PRKAG2: variants seen among roughly 807,000 people sequenced by gnomAD.
PRKAG2 encodes protein kinase AMP-activated non-catalytic subunit gamma 2.
A neutral mutation model predicts 69.6 loss-of-function variants in PRKAG2; 26 were observed. The ratio of observed to expected loss-of-function variants is 0.37; its 90% confidence interval spans 0.27 to 0.52. The LOEUF (loss-of-function observed/expected upper bound fraction) is 0.52. Among genes scored for constraint, PRKAG2 ranks in the 20% least tolerant of loss-of-function variants. PRKAG2 has a pLI of 0.90. For missense variants in PRKAG2, 557 were observed against 740.0 expected, an observed-to-expected ratio of 0.75 and a Z score of 2.87; for synonymous variants, 293 against 285.0, an observed-to-expected ratio of 1.03 and a Z score of -0.28.
intron 1 of PRKAG2, among the ~76,000 whole-genome samples, chr7:151,794,889 C>A (rs1051114714): frequency 6.6e-6 from 1 of 152,230 alleles, no homozygotes; most frequent in Admixed American, 6.5e-5. Context: ...GACCAGAGCT[C>A]CATGGAAGCT....
At chr7:151,855,221 A>G (rs879021644) in intron 1 of PRKAG2, among the ~76,000 whole-genome samples, 91 of 3,612 alleles carry the variant, frequency 0.025, no homozygotes, top group African/African-American at 0.03. Context: ...CACACACACC[A>G]CGCTCCACAC....
chr7:151,831,676 A>G (rs1417338984), intron 1 of PRKAG2, among the ~76,000 whole-genome samples: 3 of 152,082 alleles, frequency 2.0e-5, no homozygotes, highest in African/African-American at 7.2e-5. Context: ...ATTCATTTGT[A>G]TGTTCCCCCC....
chr7:151,625,947 TGA>T (rs1173767596), intron 5 of PRKAG2, among the ~76,000 whole-genome samples: 1 of 152,072 alleles, frequency 6.6e-6, no homozygotes, highest in Non-Finnish European at 1.5e-5. Context: ...GTATGGGATG[TGA>T]GTTATATCAC....
At chr7:151,563,626 C>A (rs1381595876) in intron 14 of PRKAG2, among the ~76,000 whole-genome samples, 1 of 152,216 alleles carries the variant, frequency 6.6e-6, no homozygotes, top group East Asian at 1.9e-4. Flanking sequence ...GCTGTCGAGA[C>A]TGGAGTGCAG....
chr7:151,706,043 T>G (rs2727563), intron 3 of PRKAG2, among the ~76,000 whole-genome samples: 1 of 151,994 alleles, frequency 6.6e-6, no homozygotes, highest in Non-Finnish European at 1.5e-5. Context: ...TGTGAAACCA[T>G]GTTGTACCCT....
chr7:151,565,533 T>C lies in PRKAG2; in HGVS notation c.1400-150A>G, dbSNP rs567559152. 4.9e-5 allele frequency: 49 copies of C among 1,003,134 alleles called. No homozygotes were observed. The East Asian group carries it at 1.2e-3, about 25-fold the overall frequency. 62.1% of individuals were successfully genotyped at this position (1,003,134 alleles called of 1,614,324 possible). On this transcript the variant is annotated intron_variant, in intron 12 of 15. Transcript: ENST00000287878. ...TGAAAACTTAGATATGAAATCATAT[T>C]TTAATGGACATATGAAAATAAACCA...
chr7:151,853,629 G>A (rs182948700), intron 1 of PRKAG2, among the ~76,000 whole-genome samples: 37 of 151,990 alleles, frequency 2.4e-4, no homozygotes, highest in African/African-American at 7.2e-4. Context: ...GCGTGGTGGC[G>A]GGTGCCTGTA....
At chr7:151,597,827 C>G (rs58726285) in intron 5 of PRKAG2, among the ~76,000 whole-genome samples, 5,304 of 149,150 alleles carry the variant, frequency 0.036, 414 homozygotes, top group African/African-American at 0.12. Context: ...GGAGCCCCCC[C>G]CCCCGCTCTT....
At chr7:151,702,155 C>A (rs1045203426) in intron 3 of PRKAG2, among the ~76,000 whole-genome samples, 2 of 152,188 alleles carry the variant, frequency 1.3e-5, no homozygotes, top group Non-Finnish European at 1.5e-5. Context: ...TCCCCCTGTG[C>A]GGGGAGTTCG....
At chr7:151,574,746 T>A in intron 8 of PRKAG2, 145 bp downstream of exon 8, 1 of 1,130,364 alleles carries the variant, frequency 8.8e-7, no homozygotes, top group South Asian at 1.7e-5. Flanking sequence ...GCATGTTATA[T>A]AGATTTGGAA....
intron 1 of PRKAG2, among the ~76,000 whole-genome samples, chr7:151,816,383 G>A (rs890078723): frequency 6.6e-6 from 1 of 151,976 alleles, no homozygotes; most frequent in African/African-American, 2.4e-5. Flanking sequence ...TGTTCCTCAA[G>A]GTCCCTTTCA....
chr7:151,817,770 C>T lies in PRKAG2; in HGVS notation c.115-31229G>A, dbSNP rs1022399353. On this transcript the variant is annotated intron_variant, in intron 1 of 15. Coordinates refer to ENST00000287878, the MANE Select transcript of PRKAG2 (RefSeq NM_016203.4). ...ATTTTATCGATAAGGAAATTGAGGC[C>T]CAGAGAAGTGGAGTCACAAAGGTTA... Among the ~76,000 whole-genome samples the T allele has an allele frequency of 4.6e-5, 7 of 152,248 alleles. No individual in the cohort carries two copies. The East Asian group carries it at 1.2e-3, about 25-fold the overall frequency.
rs974205758 is a variant in PRKAG2, at chr7:151,814,859, T to C, written c.115-28318A>G. 1 of 1,231,594 alleles carries C rather than the reference T, an allele frequency of 8.1e-7. No homozygotes were observed. The highest frequency in any genetic ancestry group is 1.0e-6 in the Non-Finnish European group (1 of 987,982). The allele number at this position is 1,231,594 out of a possible 1,614,324, so 76.3% of individuals were successfully genotyped here. Reference sequence around the variant, plus strand: ...CATTCCCACCTGTGTCAGGCGCTGCTGGGGAGGAAACTCCTTACCACACAG... The same window carrying C: ...CATTCCCACCTGTGTCAGGCGCTGCCGGGGAGGAAACTCCTTACCACACAG... On this transcript the variant is annotated intron_variant, in intron 1 of 15. Coordinates refer to ENST00000287878, the MANE Select transcript of PRKAG2 (RefSeq NM_016203.4). This position sits in a 1 kb window ranked among gnomAD's most constrained non-coding sequence, Gnocchi z 4.8.
rs375769665 is a variant in PRKAG2 at position 151,872,768 on chromosome 7, G to A, written c.114+3739C>T. On this transcript the variant is annotated intron_variant, in intron 1 of 15. Transcript: ENST00000287878. ...GCCAGGGTCTGAGAGGATTCCTTCA[G>A]GTGGGGAGGGAGACACGAGTAAGAG... 5.6e-4 allele frequency among the ~76,000 whole-genome samples: 85 copies of A among 152,356 alleles called. 3 individuals are homozygous for A. In the South Asian group the frequency reaches 0.017, roughly 31 times the overall value.
intron 4 of PRKAG2, among the ~76,000 whole-genome samples, chr7:151,666,280 G>A (rs1375330179): frequency 6.6e-6 from 1 of 152,204 alleles, no homozygotes; most frequent in Non-Finnish European, 1.5e-5. Context: ...AATTAAGTGA[G>A]GCCATAGGGT....
At chr7:151,713,377 C>G (rs886510705) in intron 3 of PRKAG2, among the ~76,000 whole-genome samples, 2 of 152,142 alleles carry the variant, frequency 1.3e-5, no homozygotes, top group African/African-American at 4.8e-5. Flanking sequence ...GGCTTGCAAG[C>G]CAGGCTGTGA....
At chr7:151,671,160 C>A (rs1336286798) in intron 4 of PRKAG2, among the ~76,000 whole-genome samples, 4 of 102,872 alleles carry the variant, frequency 3.9e-5, no homozygotes, top group Non-Finnish European at 6.9e-5. Context: ...GGTGACAGAG[C>A]TAGACTGTCT....
At chr7:151,560,787 C>CTGGT (rs1004411140) in intron 14 of PRKAG2, among the ~76,000 whole-genome samples, 170 bp from the exon 15 acceptor site, 1 of 152,126 alleles carries the variant, frequency 6.6e-6, no homozygotes, top group Non-Finnish European at 1.5e-5. Context: ...GCTGGGTGTG[C>CTGGT]TGGTGTGCAC....
rs2076070665 is a variant in PRKAG2 at position 151,772,586 on chromosome 7, T to C, written c.466+8566A>G. On this transcript the variant is annotated intron_variant, in intron 3 of 15. Transcript: ENST00000287878. ...ATTTATATCACAAACAAACATATTTTTTGCACCTTCTAGAAAGGCCTGACA... is the reference window on the plus strand; with the variant it reads ...ATTTATATCACAAACAAACATATTTCTTGCACCTTCTAGAAAGGCCTGACA... Among the ~76,000 whole-genome samples the C allele has an allele frequency of 2.6e-5, 4 of 152,290 alleles. 1 individual carries two copies. Among genetic ancestry groups the C allele is most frequent in the Middle Eastern group, 6.8e-3 (2 of 294 alleles).
Sources: gnomAD v4.1 joint callset for allele counts (sites outside exome capture counted in the v4.1 genomes callset) on GRCh38, gnomAD v4.1.1 for gene constraint, Gnocchi (gnomAD v3.1) non-coding constraint, MANE v1.5 for transcripts, NCBI Gene and HGNC (gene_info 2026-07-23, HGNC 2026-07-21) for gene names.